The following R3HDM1 variants were observed in gnomAD, a reference collection of about 807,000 sequenced individuals.
R3HDM1 encodes R3H domain-containing protein 1.
R3HDM1 carries 46 observed loss-of-function variants against 141.1 expected under a neutral mutation model. The observed-to-expected ratio is 0.33, with a 90% CI of 0.26 to 0.42. The LOEUF (loss-of-function observed/expected upper bound fraction) is 0.42, where lower values mean the gene tolerates loss of function less well. Among genes scored for constraint, R3HDM1 ranks in the 10% least tolerant of loss-of-function variants. R3HDM1 has a pLI of 1.00. For missense variants in R3HDM1, 1,184 were observed against 1,368.3 expected, an observed-to-expected ratio of 0.87 and a Z score of 2.12; for synonymous variants, 435 against 472.9, an observed-to-expected ratio of 0.92 and a Z score of 1.04.
At chr2:135,598,072 T>G (rs1281795005) in intron 1 of R3HDM1, among the ~76,000 whole-genome samples, 1 of 152,200 alleles carries the variant, frequency 6.6e-6, no homozygotes, top group Non-Finnish European at 1.5e-5. Context: ...ATATACTAGT[T>G]TGCCTTTGAA....
intron 5 of R3HDM1, 108 bp downstream of exon 5, chr2:135,616,865 C>T (rs1404493903): frequency 2.0e-6 from 2 of 998,270 alleles, no homozygotes; most frequent in African/African-American, 3.3e-5. Context: ...CTAAATGAAA[C>T]TTATTCAATA....
chr2:135,621,685 T>C, intron 6 of R3HDM1, 77 bp downstream of exon 6: 1 of 1,405,868 alleles, frequency 7.1e-7, no homozygotes, highest in East Asian at 2.5e-5. Context: ...TGAATAATTA[T>C]ATATAGTATA....
intron 21 of R3HDM1, among the ~76,000 whole-genome samples, chr2:135,701,738 A>G (rs2074231563): frequency 6.6e-6 from 1 of 152,168 alleles, no homozygotes. Context: ...TCTTCATGCT[A>G]CTCATAATGA....
At position 135,549,148 on chromosome 2, in the gene R3HDM1, A is replaced by C. The variant is rs1482197720; in HGVS notation, c.-250+17515A>C. Among the ~76,000 whole-genome samples the C allele has an allele frequency of 2.0e-5, 3 of 152,242 alleles. No individual in the cohort carries two copies. In the South Asian group the frequency reaches 6.2e-4, roughly 32 times the overall value. ...GTGTTTATATTAATTAGGTGTAATTAAGTATGTATCTTTCCTAGAATGCAT... is the reference window on the plus strand; with the variant it reads ...GTGTTTATATTAATTAGGTGTAATTCAGTATGTATCTTTCCTAGAATGCAT... On this transcript the variant is annotated intron_variant, in intron 1 of 26. Transcript: ENST00000683871.
intron 1 of R3HDM1, among the ~76,000 whole-genome samples, chr2:135,573,491 A>C (rs1452320705): frequency 6.6e-6 from 1 of 152,132 alleles, no homozygotes; most frequent in Non-Finnish European, 1.5e-5. Context: ...CGTTATCTAA[A>C]TGTTCAGCCA....
At chr2:135,564,347 T>C (rs897629626) in intron 1 of R3HDM1, among the ~76,000 whole-genome samples, 5 of 152,210 alleles carry the variant, frequency 3.3e-5, no homozygotes, top group Non-Finnish European at 5.9e-5. Flanking sequence ...TTTAAGACAG[T>C]CTCACTCTGT....
In R3HDM1 at chr2:135,704,200, G is replaced by A. The variant is rs997017128; in HGVS notation, c.2460-5233G>A. On this transcript the variant is annotated intron_variant, in intron 21 of 26. Transcript: ENST00000683871. ...TCACCATGCTGACCAGGCTGGTCTCGAACTCTTGACCTCAAGTGATCCGCC... is the reference window on the plus strand; with the variant it reads ...TCACCATGCTGACCAGGCTGGTCTCAAACTCTTGACCTCAAGTGATCCGCC... Among the ~76,000 whole-genome samples the A allele has an allele frequency of 9.1e-4, 139 of 152,080 alleles. 3 individuals carry two copies. Among genetic ancestry groups the A allele is most frequent in the Admixed American group, 6.7e-3 (103 of 15,276 alleles).
In R3HDM1 at chr2:135,635,892, C is replaced by A; in HGVS notation, c.701C>A (p.Pro234His). ...IVNKTSNTRIPDQKFNEHIKD... is the reference protein window; with the variant it reads ...IVNKTSNTRIHDQKFNEHIKD... ...TGTTTTTGTTTTTGTTTTTTAAGACCTGATCAGAAATTTAATGAACATATT... is the reference window on the plus strand; with the variant it reads ...TGTTTTTGTTTTTGTTTTTTAAGACATGATCAGAAATTTAATGAACATATT... The change falls in exon 10 of 27, where the codon CCT becomes CAT. Residue 234 changes from proline (P) to histidine (H), a missense_variant and splice_region_variant. Coordinates refer to ENST00000683871, the MANE Select transcript of R3HDM1 (RefSeq NM_001378107.1). The A allele has an allele frequency of 6.3e-7, 1 of 1,584,334 alleles. No homozygotes were observed. Among genetic ancestry groups the A allele is most frequent in the Non-Finnish European group, 8.6e-7 (1 of 1,168,706 alleles).
At chr2:135,535,512 A>T (rs1695886062) in intron 1 of R3HDM1, among the ~76,000 whole-genome samples, 1 of 143,934 alleles carries the variant, frequency 6.9e-6, no homozygotes. Flanking sequence ...ATAAATAAAT[A>T]AATAAATAAA....
At chr2:135,591,354 A>C (rs956958902) in intron 1 of R3HDM1, among the ~76,000 whole-genome samples, 3 of 152,214 alleles carry the variant, frequency 2.0e-5, no homozygotes, top group African/African-American at 7.2e-5. Context: ...GTAGAGAAAA[A>C]TATATCAAGC....
At chr2:135,679,798 T>C (rs961918131) in intron 20 of R3HDM1, among the ~76,000 whole-genome samples, 3 of 152,048 alleles carry the variant, frequency 2.0e-5, no homozygotes, top group Non-Finnish European at 4.4e-5. Context: ...TTATGGTGGC[T>C]GCTGGGTATG....
At chr2:135,645,277 G>T in intron 15 of R3HDM1, 102 bp from the exon 16 acceptor site, 4 of 989,322 alleles carry the variant, frequency 4.0e-6, no homozygotes, top group Non-Finnish European at 5.9e-6. Context: ...TTTTTTAATT[G>T]TGGTTAAAGG....
intron 1 of R3HDM1, chr2:135,550,004 C>T: frequency 1.0e-6 from 1 of 972,316 alleles, no homozygotes; most frequent in Non-Finnish European, 1.2e-6. Flanking sequence ...GTCAGTTCTA[C>T]TTTTCATAGC....
chr2:135,636,827 A>G (rs1490231648), intron 11 of R3HDM1, among the ~76,000 whole-genome samples: 1 of 152,116 alleles, frequency 6.6e-6, no homozygotes, highest in Non-Finnish European at 1.5e-5. Flanking sequence ...TAACACTAAA[A>G]TCCAGATTGT....
intron 5 of R3HDM1, among the ~76,000 whole-genome samples, chr2:135,618,463 ATTT>A (rs755774961): frequency 1.7e-3 from 216 of 124,078 alleles, no homozygotes; most frequent in East Asian, 4.8e-3. Context: ...CGCCCGGCTG[ATTT>A]TTTTTTTTTT....
Position 135,571,782 on chromosome 2 carries a change from A to G in R3HDM1, c.-249-30718A>G, listed in dbSNP as rs1480880475. Among the ~76,000 whole-genome samples the G allele has an allele frequency of 2.0e-5, 3 of 151,832 alleles. No homozygotes were observed. The East Asian group carries it at 5.8e-4, about 29-fold the overall frequency. ...GCTGGGACTACAGGCACACTCTACC[A>G]TACTGGCTAATTTTTGTATGTTTTG... On this transcript the variant is annotated intron_variant, in intron 1 of 26. Transcript: ENST00000683871.
chr2:135,576,974 G>C, intron 1 of R3HDM1: 1 of 463,034 alleles, frequency 2.2e-6, no homozygotes, highest in Non-Finnish European at 2.8e-6. Context: ...CACTGAACAA[G>C]ACACTGAATG....
At chr2:135,679,514 A>G (rs563477471) in intron 20 of R3HDM1, among the ~76,000 whole-genome samples, 4 of 152,262 alleles carry the variant, frequency 2.6e-5, no homozygotes, top group African/African-American at 7.2e-5. Context: ...TTTATGACCC[A>G]CTGCGTCTCA....
At chr2:135,701,553 G>C (rs1228682103) in intron 21 of R3HDM1, among the ~76,000 whole-genome samples, 1 of 152,146 alleles carries the variant, frequency 6.6e-6, no homozygotes, top group Admixed American at 6.5e-5. Flanking sequence ...GGCTACTGTT[G>C]ACTCTCCAAC....
Sources: allele counts gnomAD v4.1 joint callset (sites outside exome capture counted in the v4.1 genomes callset), GRCh38; gene constraint gnomAD v4.1.1; transcripts MANE v1.5; gene names NCBI Gene and HGNC (gene_info 2026-07-23, HGNC 2026-07-21).